NRG3: variants seen among roughly 807,000 people sequenced by gnomAD.
The protein encoded by NRG3 is pro-neuregulin-3, membrane-bound isoform.
A neutral mutation model predicts 66.9 loss-of-function variants in NRG3; 31 were observed. The ratio of observed to expected loss-of-function variants is 0.46; its 90% CI spans 0.35 to 0.63. NRG3 has a LOEUF of 0.63. Ranked by LOEUF, NRG3 falls within the 20% of genes least tolerant of loss-of-function variation. The probability of loss-of-function intolerance (pLI) is 0.00; values close to 1 mark genes in which losing one functional copy is unlikely to be tolerated. For missense variants in NRG3, 910 were observed against 878.9 expected, an observed-to-expected ratio of 1.04 and a Z score of -0.45; for synonymous variants, 393 against 359.4, an observed-to-expected ratio of 1.09 and a Z score of -1.06.
intron 4 of NRG3, among the ~76,000 whole-genome samples, chr10:82,925,334 A>G (rs1846875539): frequency 6.6e-6 from 1 of 152,148 alleles, no homozygotes; most frequent in South Asian, 2.1e-4. Context: ...GCCTGTGACC[A>G]TTTACTTTTT....
At chr10:82,711,576 T>C (rs891695975) in intron 2 of NRG3, among the ~76,000 whole-genome samples, 4 of 151,442 alleles carry the variant, frequency 2.6e-5, no homozygotes, top group Non-Finnish European at 4.4e-5. Flanking sequence ...TGTGAGATGG[T>C]GCATAATTTA....
At position 82,718,387 on chromosome 10, in the gene NRG3, A is replaced by G. The variant is rs551345475; in HGVS notation, c.954-20190A>G. On this transcript the variant is annotated intron_variant, in intron 2 of 8. Coordinates refer to ENST00000372141, the MANE Select transcript of NRG3 (RefSeq NM_001010848.4). ...ATCATATTTGTGATTCTGATTACCT[A>G]TTCTTTGAGGTTCAATGTCTACTTC... Among the ~76,000 whole-genome samples the G allele has an allele frequency of 3.3e-5, 5 of 152,314 alleles. No individual in the cohort carries two copies. In the South Asian group the frequency reaches 6.2e-4, roughly 19 times the overall value.
intron 1 of NRG3, among the ~76,000 whole-genome samples, chr10:82,258,427 A>G (rs867725375): frequency 7.2e-5 from 11 of 152,334 alleles, no homozygotes; most frequent in Middle Eastern, 6.8e-3. Flanking sequence ...TGTATGCTGT[A>G]TACTAAGTAG....
At chr10:82,044,462 G>GA (rs2063177932) in intron 1 of NRG3, among the ~76,000 whole-genome samples, 1 of 151,864 alleles carries the variant, frequency 6.6e-6, no homozygotes, top group South Asian at 2.1e-4. Context: ...AATATCCAGA[G>GA]AAAAACCATG....
At chr10:82,290,917 A>C (rs2079703207) in intron 1 of NRG3, among the ~76,000 whole-genome samples, 2 of 151,828 alleles carry the variant, frequency 1.3e-5, no homozygotes, top group Admixed American at 6.6e-5. Context: ...TGCTGGGATT[A>C]CAGGCGTGAG....
chr10:81,952,148 G>C (rs1766445139), intron 1 of NRG3, among the ~76,000 whole-genome samples: 1 of 152,142 alleles, frequency 6.6e-6, no homozygotes, highest in African/African-American at 2.4e-5. Context: ...GTTAAATGAC[G>C]AGTTACTGGG....
intron 2 of NRG3, among the ~76,000 whole-genome samples, chr10:82,665,032 T>C (rs114306018): frequency 0.022 from 3,411 of 152,288 alleles, 119 homozygotes; most frequent in African/African-American, 0.076. Context: ...ATTATTTCCC[T>C]TTTTCAGTTT....
intron 1 of NRG3, among the ~76,000 whole-genome samples, chr10:82,151,586 T>C (rs911003670): frequency 2.0e-5 from 3 of 152,202 alleles, no homozygotes; most frequent in African/African-American, 7.2e-5. Flanking sequence ...ATGTCCCATC[T>C]CACTTAGTCG....
chr10:82,278,591 C>A (rs1323434197), intron 1 of NRG3, among the ~76,000 whole-genome samples: 1 of 152,050 alleles, frequency 6.6e-6, no homozygotes, highest in Admixed American at 6.6e-5. Flanking sequence ...AGTGAGTGGG[C>A]AGGTTTTTGC....
At chr10:82,662,919 C>A (rs1178838261) in intron 2 of NRG3, among the ~76,000 whole-genome samples, 1 of 152,168 alleles carries the variant, frequency 6.6e-6, no homozygotes, top group Admixed American at 6.5e-5. Context: ...GCTACTAGAG[C>A]CCCAGCCGAT....
chr10:82,432,842 C>T (rs1435737539), intron 2 of NRG3, among the ~76,000 whole-genome samples: 2 of 152,170 alleles, frequency 1.3e-5, no homozygotes, highest in Non-Finnish European at 2.9e-5. Context: ...ATATGTACAA[C>T]ATTTCCTTAT....
intron 1 of NRG3, among the ~76,000 whole-genome samples, chr10:82,174,314 A>T (rs2072866223): frequency 6.6e-6 from 1 of 151,404 alleles, no homozygotes; most frequent in African/African-American, 2.4e-5. Context: ...CTTTACCTTT[A>T]TCTCCCTTCA....
chr10:82,828,871 G>T (rs554781284), intron 3 of NRG3, among the ~76,000 whole-genome samples: 1 of 152,148 alleles, frequency 6.6e-6, no homozygotes. Flanking sequence ...AAGCTGCTAT[G>T]CTGAACATCT....
intron 2 of NRG3, among the ~76,000 whole-genome samples, chr10:82,363,440 GT>G (rs1319437197): frequency 6.7e-6 from 1 of 148,540 alleles, no homozygotes; most frequent in Non-Finnish European, 1.5e-5. Flanking sequence ...GCCTTATACT[GT>G]TTTTTGTTTG....
chr10:82,639,828 A>T (rs911698415), intron 2 of NRG3, among the ~76,000 whole-genome samples: 2 of 151,926 alleles, frequency 1.3e-5, no homozygotes, highest in Non-Finnish European at 1.5e-5. Flanking sequence ...ATATAGGTAA[A>T]CTTGTGTCAT....
At chr10:82,771,531 G>T (rs959265410) in intron 3 of NRG3, among the ~76,000 whole-genome samples, 5 of 152,124 alleles carry the variant, frequency 3.3e-5, no homozygotes, top group African/African-American at 9.7e-5. Flanking sequence ...CTTCAGAAGT[G>T]TGGCAATCTG....
intron 1 of NRG3, among the ~76,000 whole-genome samples, chr10:81,940,681 TA>T (rs1848333862): frequency 6.6e-6 from 1 of 152,060 alleles, no homozygotes; most frequent in South Asian, 2.1e-4. Flanking sequence ...TGAATCTCAT[TA>T]GCTCTCTTTG....
intron 1 of NRG3, among the ~76,000 whole-genome samples, chr10:82,113,709 C>A (rs1419335693): frequency 6.6e-6 from 1 of 152,052 alleles, no homozygotes; most frequent in Non-Finnish European, 1.5e-5. Context: ...TGTAAATTTC[C>A]TGGTTTTGAT....
intron 2 of NRG3, among the ~76,000 whole-genome samples, chr10:82,635,648 T>A (rs1476614205): frequency 6.6e-6 from 1 of 152,164 alleles, no homozygotes; most frequent in Non-Finnish European, 1.5e-5. Context: ...CTAAATACAT[T>A]TTTTGGTTTG....
Sources: allele counts gnomAD v4.1 joint callset (sites outside exome capture counted in the v4.1 genomes callset), GRCh38; gene constraint gnomAD v4.1.1; transcripts MANE v1.5; gene names NCBI Gene and HGNC (gene_info 2026-07-23, HGNC 2026-07-21).